The following FBXL20 variants were observed in gnomAD, a reference collection of about 807,000 sequenced individuals.
FBXL20 encodes F-box and leucine rich repeat protein 20.
A neutral mutation model predicts 64.0 loss-of-function variants in FBXL20; 11 were observed. The ratio of observed to expected loss-of-function variants is 0.17; its 90% confidence interval spans 0.11 to 0.28. The LOEUF (loss-of-function observed/expected upper bound fraction) is 0.28, where lower values mean the gene tolerates loss of function less well. Ranked by LOEUF, FBXL20 falls within the 10% of genes least tolerant of loss-of-function variation. FBXL20 has a pLI of 1.00. For missense variants in FBXL20, 303 were observed against 526.2 expected (o/e 0.58, Z 4.15); for synonymous variants, 184 against 189.0 (o/e 0.97, Z 0.22).
intron 1 of FBXL20, among the ~76,000 whole-genome samples, chr17:39,359,632 AGTGTTG>A (rs1210098724): frequency 6.6e-6 from 1 of 152,030 alleles, no homozygotes; most frequent in Non-Finnish European, 1.5e-5. Flanking sequence ...GAAAGTAACA[AGTGTTG>A]GTGAGAATGT....
At position 39,281,437 on chromosome 17, in the gene FBXL20, T is replaced by G. The variant is rs1476308118; in HGVS notation, c.648A>C (p.Ile216=). The change falls in exon 9 of 15, where the codon ATA becomes ATC. Residue 216 remains isoleucine (I), a synonymous_variant. Coordinates refer to ENST00000264658, the MANE Select transcript of FBXL20 (RefSeq NM_032875.3). ...TQLEDEALKY[I]GAHCPELVTL... is the part of the protein sequence containing the mutation. ...TCACCAGTTCAGGGCAGTGTGCACC[T>G]ATGTACTTGAGAGCTTCATCTTCTA... is the stretch of plus-strand genomic sequence containing the variant. 1 of 1,613,796 alleles carries G rather than the reference T, an allele frequency of 6.2e-7. No individual in the cohort carries two copies. Among genetic ancestry groups the G allele is most frequent in the South Asian group, 1.1e-5 (1 of 90,996 alleles).
At chr17:39,385,757 C>T (rs1396606965) in intron 1 of FBXL20, among the ~76,000 whole-genome samples, 6 of 152,116 alleles carry the variant, frequency 3.9e-5, no homozygotes, top group Non-Finnish European at 8.8e-5. Context: ...GGCAGCCAGG[C>T]GAGGTGGCTC....
chr17:39,321,857 A>G (rs2047359924), intron 2 of FBXL20, among the ~76,000 whole-genome samples: 1 of 152,002 alleles, frequency 6.6e-6, no homozygotes, highest in Non-Finnish European at 1.5e-5. Flanking sequence ...GACTGAAACT[A>G]CCTGATTCAA....
intron 2 of FBXL20, among the ~76,000 whole-genome samples, chr17:39,317,867 A>T (rs1022770023): frequency 2.6e-5 from 4 of 151,434 alleles, no homozygotes; most frequent in Non-Finnish European, 4.4e-5. Flanking sequence ...ACGCCCAGCT[A>T]TTTTTTTGTA....
chr17:39,309,315 C>T (rs1466490330), intron 2 of FBXL20, among the ~76,000 whole-genome samples: 1 of 152,046 alleles, frequency 6.6e-6, no homozygotes, highest in Non-Finnish European at 1.5e-5. Flanking sequence ...AGACTGAGTC[C>T]TGAATTATCT....
chr17:39,308,408 T>A (rs1032223412), intron 2 of FBXL20, among the ~76,000 whole-genome samples: 1 of 151,726 alleles, frequency 6.6e-6, no homozygotes, highest in South Asian at 2.1e-4. Context: ...GGAAAGAGGA[T>A]CACTTGAGCT....
intron 1 of FBXL20, among the ~76,000 whole-genome samples, chr17:39,364,471 T>C (rs913526287): frequency 6.6e-6 from 1 of 152,092 alleles, no homozygotes; most frequent in Non-Finnish European, 1.5e-5. Flanking sequence ...TATCTGGGCG[T>C]GGTGGTGCAC....
chr17:39,314,734 A>ACACTGTAG (rs1262488213), intron 2 of FBXL20, among the ~76,000 whole-genome samples: 1 of 151,732 alleles, frequency 6.6e-6, no homozygotes, highest in African/African-American at 2.4e-5. Flanking sequence ...GTACCAGTGT[A>ACACTGTAG]CACTGTAGTG....
Position 39,395,869 on chromosome 17 carries a change from G to T in FBXL20, c.42+5492C>A, listed in dbSNP as rs543168785. Among the ~76,000 whole-genome samples, 4 of 152,216 alleles carry T rather than the reference G, an allele frequency of 2.6e-5. No individual in the cohort carries two copies. The South Asian group carries it at 8.3e-4, about 32-fold the overall frequency. ...TGGCATTAGAAAGCAGTGGCCAAAG[G>T]CTGGATCCTGAGAGGCAACACTCAT... On this transcript the variant is annotated intron_variant, in intron 1 of 14. Coordinates refer to ENST00000264658, the MANE Select transcript of FBXL20 (RefSeq NM_032875.3).
chr17:39,392,008 T>C (rs1484487178), intron 1 of FBXL20, among the ~76,000 whole-genome samples: 1 of 151,042 alleles, frequency 6.6e-6, no homozygotes, highest in East Asian at 2.0e-4. Flanking sequence ...TCGGGTATGG[T>C]GGTGCAGTAA....
chr17:39,346,993 A>C (rs1245592450), intron 1 of FBXL20, among the ~76,000 whole-genome samples: 2 of 152,140 alleles, frequency 1.3e-5, no homozygotes, highest in East Asian at 3.9e-4. Context: ...TTCCAGCTTC[A>C]TCCATGTCCC....
intron 2 of FBXL20, among the ~76,000 whole-genome samples, chr17:39,318,223 A>G (rs903957881): frequency 5.3e-5 from 8 of 152,158 alleles, no homozygotes; most frequent in African/African-American, 1.9e-4. Context: ...TCCATGAGAA[A>G]GAGTAGATTT....
intron 1 of FBXL20, among the ~76,000 whole-genome samples, chr17:39,358,078 C>CT (rs1318898545): frequency 6.6e-6 from 1 of 152,136 alleles, no homozygotes; most frequent in Non-Finnish European, 1.5e-5. Context: ...GTCCAAAGGC[C>CT]TAACTAAGAA....
intron 1 of FBXL20, among the ~76,000 whole-genome samples, chr17:39,379,236 A>G (rs1277134868): frequency 6.6e-6 from 1 of 151,130 alleles, no homozygotes; most frequent in African/African-American, 2.4e-5. Flanking sequence ...AATAAAATAA[A>G]ATAACATAAT....
At chr17:39,267,264 CACAAA>C (rs2046799974) in intron 12 of FBXL20, among the ~76,000 whole-genome samples, 3 of 151,190 alleles carry the variant, frequency 2.0e-5, no homozygotes, top group African/African-American at 7.3e-5. Context: ...CACCCCACAC[CACAAA>C]ACAAAACAAA....
intron 2 of FBXL20, among the ~76,000 whole-genome samples, chr17:39,321,070 A>G (rs1391751159): frequency 6.6e-6 from 1 of 152,190 alleles, no homozygotes. Flanking sequence ...CTATAAAACA[A>G]TTCTGCTCCA....
chr17:39,399,588 T>C (rs1024374516), intron 1 of FBXL20, among the ~76,000 whole-genome samples: 65 of 152,232 alleles, frequency 4.3e-4, no homozygotes, highest in African/African-American at 1.5e-3. Flanking sequence ...AACACTTATT[T>C]AATCATGAAA....
In FBXL20 at chr17:39,291,133, T is replaced by C. The variant is rs149174261; in HGVS notation, c.399-5560A>G. On this transcript the variant is annotated intron_variant, in intron 6 of 14. Coordinates refer to ENST00000264658, the MANE Select transcript of FBXL20 (RefSeq NM_032875.3). ...CCTGCCACCACGCCCGGCTAACTTT[T>C]TGTATTTTTAGTAGAGACGGGGTTT... Among the ~76,000 whole-genome samples, 1,438 of 151,962 alleles carry C rather than the reference T, an allele frequency of 9.5e-3. 17 individuals are homozygous for C. The highest frequency in any genetic ancestry group is 0.032 in the African/African-American group (1,320 of 41,416).
chr17:39,341,247 C>A (rs568067947), intron 2 of FBXL20, among the ~76,000 whole-genome samples: 1 of 152,152 alleles, frequency 6.6e-6, no homozygotes, highest in Admixed American at 6.6e-5. Context: ...AATTCAAGTT[C>A]ATTTTCCCAT....
Sources: gnomAD v4.1 joint callset for allele counts (sites outside exome capture counted in the v4.1 genomes callset) on GRCh38, gnomAD v4.1.1 for gene constraint, MANE v1.5 for transcripts, NCBI Gene and HGNC (gene_info 2026-07-23, HGNC 2026-07-21) for gene names.